The following CRCP variants were observed in gnomAD, a reference collection of about 807,000 sequenced individuals.
CRCP encodes CGRP receptor component.
In CRCP, 18 loss-of-function variants were observed where a neutral mutation model predicts 18.5. The ratio of observed to expected loss-of-function variants is 0.97; its 90% CI spans 0.67 to 1.44. The LOEUF is 1.44. Ranked by LOEUF, CRCP falls within the 40% of genes most tolerant of loss-of-function variation. The pLI, the probability that CRCP is intolerant of heterozygous loss-of-function variation, is 0.00. For missense variants in CRCP, 130 were observed against 176.4 expected, an observed-to-expected ratio of 0.74 and a Z score of 1.49; for synonymous variants, 53 against 62.9, an observed-to-expected ratio of 0.84 and a Z score of 0.75.
chr7:66,123,742 C>G (rs368867672), intron 1 of CRCP, among the ~76,000 whole-genome samples: 90 of 117,118 alleles, frequency 7.7e-4, no homozygotes, highest in African/African-American at 3.1e-3. Context: ...GAGCGAAACT[C>G]TTGTCTCAAA....
intron 1 of CRCP, chr7:66,120,592 C>A (rs1227813686): frequency 6.6e-6 from 1 of 151,860 alleles, no homozygotes; most frequent in Non-Finnish European, 1.5e-5. Flanking sequence ...GAAGTCTGCT[C>A]CTTAGGATCT....
chr7:66,144,915 G>A (rs1480819366), intron 4 of CRCP, among the ~76,000 whole-genome samples: 4 of 152,164 alleles, frequency 2.6e-5, no homozygotes, highest in Non-Finnish European at 4.4e-5. Context: ...TTGGGAGGTC[G>A]AGGCAGGTGG....
At chr7:66,142,524 C>T (rs1325957649) in intron 4 of CRCP, among the ~76,000 whole-genome samples, 4 of 152,152 alleles carry the variant, frequency 2.6e-5, no homozygotes, top group African/African-American at 4.8e-5. Context: ...CTATTTTTCT[C>T]GCTCTGTCTC....
intron 1 of CRCP, among the ~76,000 whole-genome samples, chr7:66,124,168 T>G (rs1787546036): frequency 2.7e-5 from 4 of 146,012 alleles, no homozygotes; most frequent in Admixed American, 2.1e-4. Flanking sequence ...GAGACCATCC[T>G]GGCTAACACA....
chr7:66,133,042 G>C (rs1787856481), intron 3 of CRCP, among the ~76,000 whole-genome samples: 1 of 152,298 alleles, frequency 6.6e-6, no homozygotes. Context: ...GTGGTTGTAT[G>C]TTAAAACCAC....
chr7:66,123,889 A>G (rs1787529402), intron 1 of CRCP, among the ~76,000 whole-genome samples: 1 of 147,964 alleles, frequency 6.8e-6, no homozygotes, highest in Non-Finnish European at 1.5e-5. Context: ...CGTCTGTACT[A>G]AAAAAATGAG....
At chr7:66,119,029 G>A (rs1206755102) in intron 1 of CRCP, among the ~76,000 whole-genome samples, 2 of 152,076 alleles carry the variant, frequency 1.3e-5, no homozygotes, top group South Asian at 2.1e-4. Flanking sequence ...GACCTATCTC[G>A]TCTGATTGTT....
In CRCP at chr7:66,130,123, T is replaced by TTTC. The variant is rs1554333068; in HGVS notation, c.46-621_46-620insTTC. ...TTTTTTTTTTTTTTTTTTTTTTTTT[T>TTTC]CAGATGGAGTCTCGCTCTGTCACCC... On this transcript the variant is annotated intron_variant, in intron 2 of 5. Transcript: ENST00000395326. The TTTC allele has an allele frequency of 3.6e-4, 115 of 318,618 alleles. 2 individuals are homozygous for TTTC. The highest frequency in any genetic ancestry group is 1.7e-3 in the South Asian group (71 of 41,788). The allele number at this position is 318,618 out of a possible 1,614,324, so 19.7% of individuals were successfully genotyped here.
chr7:66,146,241 A>G (rs1393261648), intron 5 of CRCP, among the ~76,000 whole-genome samples: 1 of 152,138 alleles, frequency 6.6e-6, no homozygotes, highest in Non-Finnish European at 1.5e-5. Flanking sequence ...TCACTTGTGA[A>G]GTCCGCTTTG....
intron 4 of CRCP, among the ~76,000 whole-genome samples, chr7:66,144,186 C>T (rs537565014): frequency 6.6e-6 from 1 of 152,260 alleles, no homozygotes; most frequent in Admixed American, 6.5e-5. Context: ...TCAGAGTCCA[C>T]ATGATTCAGC....
rs527260126 is a variant in CRCP at position 66,120,340 on chromosome 7, G to A, written c.8+5370G>A. On this transcript the variant is annotated intron_variant, in intron 1 of 5. Coordinates refer to ENST00000395326, the MANE Select transcript of CRCP (RefSeq NM_014478.5). The stretch of plus-strand genomic sequence containing the variant: ...TAGTTGCTAGGCGTGTATATTTTCT[G>A]ATTTTCCTAAGTGAAATGGTTTGAA... Among the ~76,000 whole-genome samples the A allele has an allele frequency of 3.4e-4, 52 of 152,300 alleles. No individual in the cohort carries two copies. The South Asian group carries it at 0.011, about 31-fold the overall frequency.
intron 2 of CRCP, chr7:66,130,199 G>C (rs752601906): frequency 1.3e-5 from 3 of 225,686 alleles, no homozygotes; most frequent in African/African-American, 2.9e-5. Flanking sequence ...TCTGCCTCCC[G>C]GATTCAAGTG....
At chr7:66,134,546 T>A in intron 4 of CRCP, 172 bp downstream of exon 4, 6 of 8,456 alleles carry the variant, frequency 7.1e-4, no homozygotes, top group East Asian at 1.3e-3. Context: ...GGAACAAATC[T>A]TTTTTTTTTT....
At chr7:66,127,621 C>A in intron 1 of CRCP, 83 bp from the exon 2 acceptor site, 1 of 1,496,080 alleles carries the variant, frequency 6.7e-7, no homozygotes, top group Non-Finnish European at 9.3e-7. Context: ...ACTACTGTAT[C>A]TTGACAGGAA....
chr7:66,115,637 G>A (rs1787237291), intron 1 of CRCP, among the ~76,000 whole-genome samples: 1 of 152,122 alleles, frequency 6.6e-6, no homozygotes, highest in Admixed American at 6.6e-5. Context: ...GGTGCAAATG[G>A]AAGATTTTGC....
Position 66,130,623 on chromosome 7 carries a change from T to A in CRCP, c.46-121T>A, listed in dbSNP as rs1787770664. 7.9e-6 allele frequency: 4 copies of A among 506,078 alleles called. No individual in the cohort carries two copies. The South Asian group carries it at 1.6e-4, about 21-fold the overall frequency. The allele number at this position is 506,078 out of a possible 1,614,324, so 31.3% of individuals were successfully genotyped here. ...TTGCTCAAATCCAAGAGTTGGAAGC[T>A]GGGTGATGGGCGGGTGAAAGGAAGT... On this transcript the variant is annotated intron_variant, in intron 2 of 5. Coordinates refer to ENST00000395326, the MANE Select transcript of CRCP (RefSeq NM_014478.5).
chr7:66,135,764 A>G (rs1787953344), intron 4 of CRCP, among the ~76,000 whole-genome samples: 1 of 152,156 alleles, frequency 6.6e-6, no homozygotes, highest in Non-Finnish European at 1.5e-5. Context: ...TCTACTAAAA[A>G]TACAAAATTA....
rs753498532 is a variant in CRCP, at chr7:66,152,341, A to C, written c.431A>C (p.Glu144Ala). ...ACAAACAGCAATGTGGCAATGGACG[A>C]AGAGGACCCAGCATAGAAGAGCACA... The part of the protein sequence containing the change: ...KNTNSNVAMD[E>A]EDPA Residue 144 changes from glutamate (E) to alanine (A), a missense_variant, in exon 6 of 6, where the codon GAA (glutamate) becomes GCA (alanine). By Grantham distance (107) the Glu-to-Ala change is moderately radical. Transcript: ENST00000395326. The C allele has an allele frequency of 1.2e-6, 2 of 1,614,000 alleles. No individual in the cohort carries two copies. The highest frequency in any genetic ancestry group is 2.2e-5 in the East Asian group (1 of 44,892).
chr7:66,118,239 G>A (rs1787332352), intron 1 of CRCP, among the ~76,000 whole-genome samples: 1 of 152,042 alleles, frequency 6.6e-6, no homozygotes. Flanking sequence ...GCCTCCCAAA[G>A]TGCTGGGATT....
Sources: allele counts gnomAD v4.1 joint callset (sites outside exome capture counted in the v4.1 genomes callset), GRCh38; gene constraint gnomAD v4.1.1; transcripts MANE v1.5; gene names NCBI Gene and HGNC (gene_info 2026-07-23, HGNC 2026-07-21).